The following C9orf72 variants were observed in gnomAD, a reference collection of about 807,000 sequenced individuals.
C9orf72 encodes C9orf72-SMCR8 complex subunit.
Under a neutral mutation model 51.6 loss-of-function variants are expected in C9orf72, and 44 were observed. The ratio of observed to expected loss-of-function variants is 0.85; its 90% CI spans 0.67 to 1.10. The LOEUF is 1.10. Ranked by LOEUF, C9orf72 falls within the 50% of genes least tolerant of loss-of-function variation. The probability of loss-of-function intolerance (pLI) is 0.00; values close to 1 mark genes in which losing one functional copy is unlikely to be tolerated. For synonymous variants in C9orf72, 213 were observed against 194.2 expected, an observed-to-expected ratio of 1.10 and a Z score of -0.81; for missense variants, 607 against 570.6, an observed-to-expected ratio of 1.06 and a Z score of -0.65.
rs71492751 is a variant in C9orf72 at position 27,552,515 on chromosome 9, ATTTTTTT to A, written c.1092-1815_1092-1809del. 1.2e-3 allele frequency among the ~76,000 whole-genome samples: 129 copies of A among 105,624 alleles called. 1 individual carries two copies. The highest frequency in any genetic ancestry group is 4.2e-3 in the African/African-American group (116 of 27,392). 69.3% of individuals were successfully genotyped at this position (105,624 alleles called of 152,430 possible). A position where few individuals can be genotyped will look rare whatever the true frequency, so the allele number is the denominator to read the frequency against. ...AGGTGCATGTCACCATACCAAGCTAATTTTTTTTTTTTTTTTTTTTTGTAGAGATGGG... is the reference window on the plus strand; with the variant it reads ...AGGTGCATGTCACCATACCAAGCTAATTTTTTTTTTTTTTGTAGAGATGGG... On this transcript the variant is annotated intron_variant, in intron 8 of 10. Transcript: ENST00000380003.
At chr9:27,548,455 A>G in intron 10 of C9orf72, 33 bp from the exon 11 acceptor site, 1 of 1,403,686 alleles carries the variant, frequency 7.1e-7, no homozygotes. Context: ...AAAAAAAAAA[A>G]AAAAAAGAAG....
intron 5 of C9orf72, chr9:27,560,655 T>C: frequency 2.0e-6 from 2 of 1,013,040 alleles, no homozygotes; most frequent in Non-Finnish European, 1.2e-6. Flanking sequence ...TATGAAAGGC[T>C]GACACTGAAC....
intron 1 of C9orf72, among the ~76,000 whole-genome samples, chr9:27,568,544 T>C (rs576856231): frequency 1.3e-5 from 2 of 152,002 alleles, no homozygotes; most frequent in Non-Finnish European, 2.9e-5. Flanking sequence ...GTGATATTAA[T>C]GTAAAACAAA....
chr9:27,548,407 C>G lies in C9orf72; in HGVS notation c.1275G>C (p.Lys425Asn), dbSNP rs2453563. Residue 425 changes from lysine (K) to asparagine (N), a missense_variant, in exon 11 of 11, where the codon AAG becomes AAC. Lys to Asn is a moderately conservative substitution (Grantham distance 94, BLOSUM62 0). Coordinates refer to ENST00000380003, the MANE Select transcript of C9orf72 (RefSeq NM_018325.5). ...TCAGGTTCCGAAGAGATTTAAAGGG[C>G]TTTTTTCCCTTCTGCCTAAAAATAA... ...YIEDDTQKGK[K>N]PFKSLRNLKI... 4 of 697,752 alleles carry G rather than the reference C, an allele frequency of 5.7e-6. No individual in the cohort carries two copies. In the Admixed American group the frequency reaches 9.0e-5, roughly 16 times the overall value. 43.2% of individuals were successfully genotyped at this position (697,752 alleles called of 1,614,324 possible).
intron 7 of C9orf72, 27 bp downstream of exon 7, chr9:27,558,464 T>G: frequency 8.0e-7 from 1 of 1,250,472 alleles, no homozygotes; most frequent in Non-Finnish European, 1.1e-6. Flanking sequence ...GAAAAGTGGT[T>G]TCACTTGTGA....
chr9:27,559,284 A>AC (rs1269657536), intron 6 of C9orf72: 2 of 150,852 alleles, frequency 1.3e-5, no homozygotes, highest in East Asian at 3.9e-4. Flanking sequence ...AAAAAAAAAA[A>AC]ACACTCCAAC....
chr9:27,564,426 C>T (rs1215755989), intron 3 of C9orf72, among the ~76,000 whole-genome samples: 1 of 152,282 alleles, frequency 6.6e-6, no homozygotes, highest in South Asian at 2.1e-4. Context: ...GATAAGTTTA[C>T]TTAATTAGTC....
intron 4 of C9orf72, 146 bp downstream of exon 4, chr9:27,562,235 T>C (rs10812615): frequency 0.42 from 153,761 of 365,862 alleles, 33,262 homozygotes; most frequent in South Asian, 0.49. Flanking sequence ...TTGTGTGTGC[T>C]TATTTGCTAA....
chr9:27,561,746 A>AT, intron 4 of C9orf72, 97 bp from the exon 5 acceptor site: 1 of 690,712 alleles, frequency 1.4e-6, no homozygotes, highest in African/African-American at 1.9e-5. Context: ...TGGATTCAAT[A>AT]TAACACACTG....
intron 3 of C9orf72, among the ~76,000 whole-genome samples, chr9:27,563,212 GAATC>G (rs1819392339): frequency 1.3e-5 from 2 of 151,982 alleles, no homozygotes; most frequent in Admixed American, 1.3e-4. Context: ...TATATTTTAA[GAATC>G]AATAAAACAG....
At chr9:27,568,086 C>CAAAAAAAA (rs11418499) in intron 1 of C9orf72, among the ~76,000 whole-genome samples, 137 of 80,472 alleles carry the variant, frequency 1.7e-3, no homozygotes, top group Middle Eastern at 8.8e-3. Flanking sequence ...GCTAAAAGGT[C>CAAAAAAAA]AAAAAAAAAA....
At chr9:27,570,310 A>T (rs541690860) in intron 1 of C9orf72, among the ~76,000 whole-genome samples, 1 of 152,362 alleles carries the variant, frequency 6.6e-6, no homozygotes, top group African/African-American at 2.4e-5. Context: ...GGAGGCCAAC[A>T]TAATGAATTA....
chr9:27,548,316 T>C lies in C9orf72; in HGVS notation c.1366A>G (p.Lys456Glu). 6.2e-7 allele frequency: 1 copy of C among 1,613,074 alleles called. No individual in the cohort carries two copies. The part of the protein sequence containing the change: ...NIIMALAEKI[K>E]PGLHSFIFGR... ...AAGATAAAAGAGTGTAGGCCTGGTT[T>C]AATTTTCTCAGCCAGAGCCATTATT... Residue 456 changes from lysine to glutamate, a missense_variant, in exon 11 of 11, where the codon AAA becomes GAA. Transcript: ENST00000380003.
chr9:27,572,340 G>A (rs757635612), intron 1 of C9orf72, among the ~76,000 whole-genome samples: 1 of 152,150 alleles, frequency 6.6e-6, no homozygotes, highest in Non-Finnish European at 1.5e-5. Flanking sequence ...AAATGACACC[G>A]TATTTCAAGT....
intron 8 of C9orf72, among the ~76,000 whole-genome samples, chr9:27,554,196 C>G (rs534227703): frequency 1.3e-5 from 2 of 152,220 alleles, no homozygotes; most frequent in South Asian, 4.1e-4. Flanking sequence ...AATTTTTCTA[C>G]CATAAAGACA....
chr9:27,571,156 G>GA (rs1484413426), intron 1 of C9orf72: 2 of 152,138 alleles, frequency 1.3e-5, no homozygotes, highest in Non-Finnish European at 2.9e-5. Context: ...GTCTACTCCA[G>GA]AGAGTTACCA....
At chr9:27,561,464 G>A (rs566903555) in intron 5 of C9orf72, 121 bp downstream of exon 5, 9,801 of 856,552 alleles carry the variant, frequency 0.011, 51 homozygotes, top group South Asian at 0.016. Flanking sequence ...GTTCAAATAC[G>A]TAATGTCCCT....
chr9:27,561,265 C>A lies in C9orf72; in HGVS notation c.665+320G>T, dbSNP rs985445856. ...CTACGCCTAAATAACTTAAGTTCAT[C>A]TACAGTACAACTTAATATGAAAGGA... On this transcript the variant is annotated intron_variant, in intron 5 of 10. Coordinates refer to ENST00000380003, the MANE Select transcript of C9orf72 (RefSeq NM_018325.5). 4.3e-5 allele frequency: 47 copies of A among 1,096,930 alleles called. No homozygotes were observed. In the African/African-American group the frequency reaches 6.8e-4, roughly 16 times the overall value. The allele number at this position is 1,096,930 out of a possible 1,614,324, so 67.9% of individuals were successfully genotyped here.
chr9:27,557,992 T>C (rs1819244324), intron 7 of C9orf72, among the ~76,000 whole-genome samples: 1 of 151,108 alleles, frequency 6.6e-6, no homozygotes, highest in African/African-American at 2.4e-5. Flanking sequence ...TAATTGCTAA[T>C]TTACATTTCT....
Sources: allele counts gnomAD v4.1 joint callset (sites outside exome capture counted in the v4.1 genomes callset), GRCh38; gene constraint gnomAD v4.1.1; transcripts MANE v1.5; gene names NCBI Gene and HGNC (gene_info 2026-07-23, HGNC 2026-07-21).